The following CSMD1 variants were observed in gnomAD, a reference collection of about 807,000 sequenced individuals.
The protein encoded by CSMD1 is CUB and Sushi multiple domains 1.
Under a neutral mutation model 417.5 loss-of-function variants are expected in CSMD1, and 213 were observed. The observed-to-expected ratio is 0.51, with a 90% CI of 0.46 to 0.57. The LOEUF (loss-of-function observed/expected upper bound fraction) is 0.57. Among genes scored for constraint, CSMD1 ranks in the 20% least tolerant of loss-of-function variants. CSMD1 has a pLI of 0.00. For missense variants in CSMD1, 6,923 were observed against 4,529.7 expected (o/e 1.53, Z -15.17); for synonymous variants, 2,862 against 1,736.8 (o/e 1.65, Z -16.11).
intron 1 of CSMD1, among the ~76,000 whole-genome samples, chr8:4,969,120 C>A (rs566029175): frequency 6.6e-6 from 1 of 152,090 alleles, no homozygotes; most frequent in Non-Finnish European, 1.5e-5. Flanking sequence ...ATTTGCAGGA[C>A]GAATGGATAT....
chr8:4,244,899 G>C (rs897951703), intron 3 of CSMD1, among the ~76,000 whole-genome samples: 1 of 152,150 alleles, frequency 6.6e-6, no homozygotes, highest in Non-Finnish European at 1.5e-5. Flanking sequence ...ATATAATGGA[G>C]ATAACAACAT....
intron 5 of CSMD1, among the ~76,000 whole-genome samples, chr8:3,781,181 A>G (rs927874965): frequency 2.0e-5 from 3 of 152,168 alleles, no homozygotes; most frequent in Non-Finnish European, 2.9e-5. Context: ...TGATTATTTA[A>G]CTCACAGTAC....
intron 3 of CSMD1, among the ~76,000 whole-genome samples, chr8:4,074,002 G>C (rs1368681747): frequency 6.6e-6 from 1 of 151,968 alleles, no homozygotes; most frequent in Non-Finnish European, 1.5e-5. Context: ...AAGCTTTAAT[G>C]ACTTCAAAGA....
intron 1 of CSMD1, among the ~76,000 whole-genome samples, chr8:4,664,951 T>C (rs1804822220): frequency 6.6e-6 from 1 of 152,222 alleles, no homozygotes; most frequent in South Asian, 2.1e-4. Flanking sequence ...TTTAGATATA[T>C]TGAAAAATTG....
At chr8:4,441,855 C>T (rs1798502771) in intron 2 of CSMD1, among the ~76,000 whole-genome samples, 1 of 152,048 alleles carries the variant, frequency 6.6e-6, no homozygotes, top group Non-Finnish European at 1.5e-5. Flanking sequence ...AACGAAAATT[C>T]CAGAAAGATT....
chr8:4,181,957 C>CGTGTGTGT (rs146690880), intron 3 of CSMD1, among the ~76,000 whole-genome samples: 44,362 of 149,912 alleles, frequency 0.3, 7,832 homozygotes, highest in Non-Finnish European at 0.39. Flanking sequence ...TCTGTGTCTG[C>CGTGTGTGT]GTGTGTGTGT....
chr8:4,508,214 C>A (rs949783604), intron 2 of CSMD1, among the ~76,000 whole-genome samples: 2 of 150,232 alleles, frequency 1.3e-5, no homozygotes, highest in Non-Finnish European at 3.0e-5. Context: ...TCCCTGATAC[C>A]GCCCATACTC....
At chr8:4,336,422 G>A (rs898375939) in intron 3 of CSMD1, among the ~76,000 whole-genome samples, 5 of 152,120 alleles carry the variant, frequency 3.3e-5, no homozygotes, top group Admixed American at 6.6e-5. Context: ...ATGACCCTAA[G>A]GCCCCCGGTC....
intron 59 of CSMD1, 55 bp downstream of exon 59, chr8:2,965,720 A>C: frequency 6.7e-7 from 1 of 1,482,064 alleles, no homozygotes; most frequent in Non-Finnish European, 9.2e-7. Flanking sequence ...ACAAAGCATA[A>C]TTCAATAAAG....
intron 3 of CSMD1, among the ~76,000 whole-genome samples, chr8:4,245,580 A>T (rs939799872): frequency 6.6e-6 from 1 of 152,178 alleles, no homozygotes; most frequent in African/African-American, 2.4e-5. Flanking sequence ...TGAGTTCACA[A>T]TCGATCAGCT....
intron 1 of CSMD1, among the ~76,000 whole-genome samples, chr8:4,991,633 A>T (rs1811470751): frequency 6.6e-6 from 1 of 152,068 alleles, no homozygotes; most frequent in African/African-American, 2.4e-5. Flanking sequence ...GCTGCTTGCA[A>T]GCGCCTCCGG....
In CSMD1 at chr8:4,530,153, T is replaced by A. The variant is rs1335067858; in HGVS notation, c.302+107189A>T. ...TGGTCTCGATCTCCTGACCTTGTGA[T>A]CTGCCCACCTCAGCCTCCCAAAGTG... is the stretch of plus-strand genomic sequence containing the variant. On this transcript the variant is annotated intron_variant, in intron 2 of 69. Coordinates refer to ENST00000635120, the MANE Select transcript of CSMD1 (RefSeq NM_033225.6). Among the ~76,000 whole-genome samples, 3 of 151,738 alleles carry A rather than the reference T, an allele frequency of 2.0e-5. No individual in the cohort carries two copies. The South Asian group carries it at 6.2e-4, about 32-fold the overall frequency.
chr8:4,708,546 A>G (rs988760571), intron 1 of CSMD1, among the ~76,000 whole-genome samples: 23 of 152,356 alleles, frequency 1.5e-4, no homozygotes, highest in Admixed American at 3.9e-4. Flanking sequence ...AATTAAAGGA[A>G]GGTGATTGCC....
At chr8:4,830,385 T>A (rs187490532) in intron 1 of CSMD1, among the ~76,000 whole-genome samples, 5 of 152,324 alleles carry the variant, frequency 3.3e-5, no homozygotes, top group African/African-American at 1.2e-4. Flanking sequence ...AAAATAACAC[T>A]TATCTGTAAA....
At chr8:3,143,146 G>A (rs1395812093) in intron 40 of CSMD1, among the ~76,000 whole-genome samples, 2 of 152,162 alleles carry the variant, frequency 1.3e-5, no homozygotes, top group Non-Finnish European at 2.9e-5. Context: ...ACATGCCACA[G>A]AGTTTTTTTT....
chr8:3,523,665 G>GCA (rs1319239778), intron 10 of CSMD1, among the ~76,000 whole-genome samples: 4 of 124,996 alleles, frequency 3.2e-5, no homozygotes, highest in African/African-American at 1.1e-4. Context: ...AGTTACACAT[G>GCA]CACACACACG....
chr8:3,483,941 ATAGTG>A, intron 11 of CSMD1, among the ~76,000 whole-genome samples: 1 of 152,346 alleles, frequency 6.6e-6, no homozygotes, highest in Non-Finnish European at 1.5e-5. Flanking sequence ...CACAGGACAC[ATAGTG>A]TTCATGAGCT....
chr8:3,586,337 A>T, intron 8 of CSMD1, 77 bp from the exon 9 acceptor site: 1 of 1,365,870 alleles, frequency 7.3e-7, no homozygotes, highest in Non-Finnish European at 9.8e-7. Flanking sequence ...AAAAATCAGC[A>T]AAATGGCTGC....
At chr8:3,036,167 A>C (rs1297021651) in intron 50 of CSMD1, among the ~76,000 whole-genome samples, 2 of 152,216 alleles carry the variant, frequency 1.3e-5, no homozygotes, top group African/African-American at 4.8e-5. Flanking sequence ...ATCAGCCTTT[A>C]ATTTGGCCGT....
Sources: allele counts gnomAD v4.1 joint callset (sites outside exome capture counted in the v4.1 genomes callset), GRCh38; gene constraint gnomAD v4.1.1; transcripts MANE v1.5; gene names NCBI Gene and HGNC (gene_info 2026-07-23, HGNC 2026-07-21).